The following MIA3 variants were observed in gnomAD, a reference collection of about 807,000 sequenced individuals.
MIA3 encodes the protein transport and Golgi organization protein 1 homolog.
A neutral mutation model predicts 192.4 loss-of-function variants in MIA3; 90 were observed. That is an observed-to-expected ratio of 0.47 (90% CI 0.39 to 0.56). The LOEUF is 0.56. MIA3 is among the 20% of genes least tolerant of loss of function. The pLI is 0.00. For synonymous variants in MIA3, 740 were observed against 792.8 expected (o/e 0.93, Z 1.12); for missense variants, 2,123 against 2,269.4 (o/e 0.94, Z 1.31).
chr1:222,654,860 A>C (rs1663633084), intron 18 of MIA3, 67 bp downstream of exon 18: 1 of 1,300,590 alleles, frequency 7.7e-7, no homozygotes, highest in East Asian at 2.3e-5. Context: ...ACTAATATAG[A>C]TAATGTTATC....
intron 5 of MIA3, 131 bp downstream of exon 5, chr1:222,632,457 G>A (rs1343796665): frequency 2.6e-6 from 2 of 760,898 alleles, no homozygotes; most frequent in Non-Finnish European, 4.1e-6. Context: ...AGCTAATTGA[G>A]AGAAAAGCAG....
At chr1:222,655,177 G>C (rs191170980) in intron 18 of MIA3, among the ~76,000 whole-genome samples, 7 of 152,328 alleles carry the variant, frequency 4.6e-5, no homozygotes, top group Admixed American at 2.6e-4. Context: ...ACGTGTTTTA[G>C]TAGAATAAAA....
intron 2 of MIA3, among the ~76,000 whole-genome samples, chr1:222,622,794 C>T (rs3008614): frequency 0.24 from 35,853 of 152,100 alleles, 4,679 homozygotes; most frequent in Admixed American, 0.35. Context: ...TAACATTTTC[C>T]TCCCACTGCA....
Position 222,629,215 on chromosome 1 carries a change from C to A in MIA3, c.1995C>A (p.Ala665=), listed in dbSNP as rs1662274890. The change falls in exon 4 of 28, where the codon GCC becomes GCA. Residue 665 remains alanine (A), a synonymous_variant. Coordinates refer to ENST00000344922, the MANE Select transcript of MIA3 (RefSeq NM_198551.4). The part of the protein sequence containing the change: ...LPWQQERDVA[A]TASKQMSEKI... ...GGCAACAAGAAAGAGATGTGGCTGC[C>A]ACAGCCAGTAAGCAAATGAGTGAGA... is the stretch of plus-strand genomic sequence containing the variant. The A allele has an allele frequency of 1.9e-6, 3 of 1,614,034 alleles. No homozygotes were observed. Among genetic ancestry groups the A allele is most frequent in the Non-Finnish European group, 2.5e-6 (3 of 1,180,028 alleles).
At position 222,662,496 on chromosome 1, in the gene MIA3, C is replaced by T. The variant is rs1254386002; in HGVS notation, c.5262+164C>T. 79 of 1,443,330 alleles carry T rather than the reference C, an allele frequency of 5.5e-5. 1 individual carries two copies. Among genetic ancestry groups the T allele is most frequent in the Non-Finnish European group, 2.7e-6 (3 of 1,095,294 alleles). The allele number at this position is 1,443,330 out of a possible 1,614,324, so 89.4% of individuals were successfully genotyped here. The stretch of plus-strand genomic sequence containing the variant: ...AAGAGCCTGAAGTCCCCTCAGTTCC[C>T]AGCATTACATCTTTGGCTGAGCGTC... On this transcript the variant is annotated intron_variant, in intron 26 of 27. Transcript: ENST00000344922.
chr1:222,650,504 A>G (rs1466782152), intron 9 of MIA3, 124 bp downstream of exon 9: 1 of 848,420 alleles, frequency 1.2e-6, no homozygotes, highest in African/African-American at 1.7e-5. Context: ...ATTCCTATAA[A>G]CCATCCAGAT....
Position 222,628,026 on chromosome 1 carries a change from A to G in MIA3, c.806A>G (p.Lys269Arg). The change falls in exon 4 of 28, where the codon AAA (lysine) becomes AGA (arginine). Residue 269 changes from lysine to arginine, a missense_variant. Physicochemically the swap from Lys to Arg is conservative, Grantham distance 26. Around this residue, in one of 3 missense-constraint regions of MIA3, gnomAD observed 1,357 missense variants for 1,396.1 expected, o/e 0.97. Coordinates refer to ENST00000344922, the MANE Select transcript of MIA3 (RefSeq NM_198551.4). The stretch of plus-strand genomic sequence containing the variant: ...ATTGATGCCTATAAACTTTTGAAAA[A>G]AGAAATGACTCTAGACTTGAAAACC... Reference protein sequence around the residue: ...DKIDAYKLLKKEMTLDLKTKF... With the variant: ...DKIDAYKLLKREMTLDLKTKF... 1 of 1,614,184 alleles carries G rather than the reference A, an allele frequency of 6.2e-7. No homozygotes were observed.
chr1:222,641,548 G>T, intron 6 of MIA3: 1 of 505,424 alleles, frequency 2.0e-6, no homozygotes. Flanking sequence ...TAGGAAGTCT[G>T]TCTTCCTCTT....
chr1:222,620,968 A>T (rs902454299), intron 1 of MIA3, among the ~76,000 whole-genome samples, 191 bp from the exon 2 acceptor site: 2 of 152,218 alleles, frequency 1.3e-5, no homozygotes, highest in African/African-American at 4.8e-5. Context: ...TGCTTGCAGA[A>T]GGTATGATTT....
intron 6 of MIA3, among the ~76,000 whole-genome samples, chr1:222,633,480 T>C (rs1662496165): frequency 6.6e-6 from 1 of 152,136 alleles, no homozygotes; most frequent in Non-Finnish European, 1.5e-5. Context: ...CTGTCAAACG[T>C]GGTTCTTCCT....
At position 222,666,991 on chromosome 1, in the gene MIA3, C is replaced by T. The variant is rs946217987; in HGVS notation, c.*1372C>T. The T allele has an allele frequency of 1.3e-5, 2 of 152,142 alleles. No homozygotes were observed. The highest frequency in any genetic ancestry group is 2.9e-5 in the Non-Finnish European group (2 of 68,016). 9.4% of individuals were successfully genotyped at this position (152,142 alleles called of 1,614,324 possible). A position where few individuals can be genotyped will look rare whatever the true frequency, so the allele number is the denominator to read the frequency against. On this transcript the variant is annotated 3_prime_UTR_variant, in exon 28 of 28. Coordinates refer to ENST00000344922, the MANE Select transcript of MIA3 (RefSeq NM_198551.4). Reference sequence around the variant, plus strand: ...CTTTTGTTTGCTGCTAGGCTATATTCTTCCATTCTTTGAAGTCCTATGATG... The same window carrying T: ...CTTTTGTTTGCTGCTAGGCTATATTTTTCCATTCTTTGAAGTCCTATGATG...
intron 13 of MIA3, 71 bp downstream of exon 13, chr1:222,652,403 C>G: frequency 1.0e-6 from 1 of 974,246 alleles, no homozygotes; most frequent in Non-Finnish European, 1.6e-6. Flanking sequence ...AATGCCTTTA[C>G]TCAGATCTAT....
Position 222,665,600 on chromosome 1 carries a change from CT to C in MIA3, c.5708del (p.Leu1903Ter). 6.3e-7 allele frequency: 1 copy of C among 1,593,724 alleles called. No homozygotes were observed. On this transcript the variant is annotated frameshift_variant, in exon 28 of 28. Coordinates refer to ENST00000344922, the MANE Select transcript of MIA3 (RefSeq NM_198551.4). LOFTEE classifies it high-confidence loss of function. ...AGCACTAGCCAGGACTGTTCACAGG[CT>C]TTAAAACAGAGCCCATAAAACTATG... ...SQSTSQDCSQ[A>X]LKQSP is the part of the protein sequence containing the mutation.
chr1:222,630,618 A>G (rs1662355161), intron 4 of MIA3, among the ~76,000 whole-genome samples: 1 of 152,258 alleles, frequency 6.6e-6, no homozygotes, highest in African/African-American at 2.4e-5. Context: ...GCATTTTCAA[A>G]AGGAAACTTT....
rs1662295982 is a variant in MIA3, at chr1:222,629,589, A to G, written c.2369A>G (p.Lys790Arg). The change falls in exon 4 of 28, where the codon AAA becomes AGA. Residue 790 changes from lysine to arginine, a missense_variant. This residue lies in a region of MIA3 where 1,357 missense variants were observed against 1,396.1 expected (regional missense o/e 0.97). Transcript: ENST00000344922. ...QETSMILDSE[K>R]TSETAAKGVN... is the part of the protein sequence containing the mutation. The stretch of plus-strand genomic sequence containing the variant: ...ACTAGTATGATTTTGGATAGCGAAA[A>G]AACAAGTGAGACTGCTGCCAAAGGG... 1 of 1,613,944 alleles carries G rather than the reference A, an allele frequency of 6.2e-7. No individual in the cohort carries two copies. Among genetic ancestry groups the G allele is most frequent in the African/African-American group, 1.3e-5 (1 of 74,902 alleles).
chr1:222,667,204 G>T lies in MIA3; in HGVS notation c.*1585G>T, dbSNP rs1664328727. 6.6e-6 allele frequency: 1 copy of T among 152,026 alleles called. No homozygotes were observed. Among genetic ancestry groups the T allele is most frequent in the African/African-American group, 2.4e-5 (1 of 41,392 alleles). The allele number at this position is 152,026 out of a possible 1,614,324, so 9.4% of individuals were successfully genotyped here. A position where few individuals can be genotyped will look rare whatever the true frequency, so the allele number is the denominator to read the frequency against. Reference sequence around the variant, plus strand: ...AAGACAACTCTGTCAAAGTTCATAAGGAATATAAAAATTCTTCAGGAAAAG... The same window carrying T: ...AAGACAACTCTGTCAAAGTTCATAATGAATATAAAAATTCTTCAGGAAAAG... On this transcript the variant is annotated 3_prime_UTR_variant, in exon 28 of 28. Coordinates refer to ENST00000344922, the MANE Select transcript of MIA3 (RefSeq NM_198551.4).
At chr1:222,619,355 C>A (rs538793972) in intron 1 of MIA3, among the ~76,000 whole-genome samples, 1 of 152,238 alleles carries the variant, frequency 6.6e-6, no homozygotes, top group African/African-American at 2.4e-5. Flanking sequence ...CCTATAGAAA[C>A]GTATTCATTT....
rs1366787974 is a variant in MIA3, at chr1:222,618,168, G to C, written c.58G>C (p.Val20Leu). 1 of 1,505,742 alleles carries C rather than the reference G, an allele frequency of 6.6e-7. No homozygotes were observed. The highest frequency in any genetic ancestry group is 8.9e-7 in the Non-Finnish European group (1 of 1,127,184). 93.3% of individuals were successfully genotyped at this position (1,505,742 alleles called of 1,614,324 possible). Residue 20 changes from valine (V) to leucine (L), a missense_variant, in exon 1 of 28, where the codon GTG becomes CTG. Around this residue, in one of 3 missense-constraint regions of MIA3, gnomAD observed 1,357 missense variants for 1,396.1 expected, o/e 0.97. Coordinates refer to ENST00000344922, the MANE Select transcript of MIA3 (RefSeq NM_198551.4). ...GCTCGTGCTCCGGCTGCCCTGGCGG[G>C]TGCCGGGCCAGCTGGACCCCAGCAC... Reference protein sequence around the residue: ...WLLVLRLPWRVPGQLDPSTGR... With the variant: ...WLLVLRLPWRLPGQLDPSTGR...
At chr1:222,622,391 T>G (rs1157971646) in intron 2 of MIA3, among the ~76,000 whole-genome samples, 2 of 152,236 alleles carry the variant, frequency 1.3e-5, no homozygotes, top group Non-Finnish European at 2.9e-5. Flanking sequence ...CCTCGATATC[T>G]TTAGGATTGT....
Sources: gnomAD v4.1 joint callset for allele counts (sites outside exome capture counted in the v4.1 genomes callset) on GRCh38, gnomAD v4.1.1 for gene constraint, gnomAD v4.1.1 regional missense constraint, MANE v1.5 for transcripts, NCBI Gene and HGNC (gene_info 2026-07-23, HGNC 2026-07-21) for gene names.